Variants in SNX31 observed in about 807,000 individuals in gnomAD.
SNX31 encodes the protein sorting nexin 31, also known as sorting nexin-31.
Under a neutral mutation model 65.4 loss-of-function variants are expected in SNX31, and 58 were observed. That is an observed-to-expected ratio of 0.89 (90% CI 0.72 to 1.10). The LOEUF (loss-of-function observed/expected upper bound fraction) is 1.10. Ranked by LOEUF, SNX31 falls within the 50% of genes least tolerant of loss-of-function variation. The pLI is 0.00. For synonymous variants in SNX31, 181 were observed against 190.1 expected (o/e 0.95, Z 0.39); for missense variants, 523 against 529.7 (o/e 0.99, Z 0.12).
rs978804235 is a variant in SNX31, at chr8:100,626,870, G to C, written c.321+3457C>G. 6.6e-6 allele frequency among the ~76,000 whole-genome samples: 1 copy of C among 152,072 alleles called. No individual in the cohort carries two copies. Among genetic ancestry groups the C allele is most frequent in the African/African-American group, 2.4e-5 (1 of 41,412 alleles). ...TAACAAAAGGATATAAAAGTGAGCT[G>C]GTAAAGTTCACGGAAGAAATGGAAG... On this transcript the variant is annotated intron_variant, in intron 4 of 13. Coordinates refer to ENST00000311812, the MANE Select transcript of SNX31 (RefSeq NM_152628.4). This position sits in a 1 kb window ranked among gnomAD's most constrained non-coding sequence, Gnocchi z 4.4.
chr8:100,615,089 A>C (rs954381144), intron 5 of SNX31, among the ~76,000 whole-genome samples: 9 of 152,210 alleles, frequency 5.9e-5, no homozygotes, highest in African/African-American at 2.2e-4. Context: ...TGACCAAGTG[A>C]CCACTTCACC....
intron 10 of SNX31, among the ~76,000 whole-genome samples, chr8:100,593,944 T>C (rs1814825318): frequency 6.6e-6 from 1 of 152,114 alleles, no homozygotes; most frequent in Non-Finnish European, 1.5e-5. Flanking sequence ...GGAAAACTGA[T>C]TAATTAGATT....
rs1302215850 is a variant in SNX31 at position 100,629,149 on chromosome 8, G to C, written c.321+1178C>G. Among the ~76,000 whole-genome samples the C allele has an allele frequency of 6.6e-6, 1 of 152,106 alleles. No individual in the cohort carries two copies. On this transcript the variant is annotated intron_variant, in intron 4 of 13. Coordinates refer to ENST00000311812, the MANE Select transcript of SNX31 (RefSeq NM_152628.4). The surrounding 1 kb of genome is among the most constrained non-coding windows in gnomAD (Gnocchi z 5.1). ...GTGACACATGATTGTGTGTGTGCAT[G>C]TATGTGTATATATATGTGTGCATGT...
rs780906359 is a variant in SNX31, at chr8:100,626,910, A to C, written c.321+3417T>G. Reference sequence around the variant, plus strand: ...AGAAATGGAAGAGGAAAATAAAGCCATTACAAAAGTGAAAATTGTGTTAGA... The same window carrying C: ...AGAAATGGAAGAGGAAAATAAAGCCCTTACAAAAGTGAAAATTGTGTTAGA... On this transcript the variant is annotated intron_variant, in intron 4 of 13. Coordinates refer to ENST00000311812, the MANE Select transcript of SNX31 (RefSeq NM_152628.4). This position sits in a 1 kb window ranked among gnomAD's most constrained non-coding sequence, Gnocchi z 4.4. 2.0e-5 allele frequency among the ~76,000 whole-genome samples: 3 copies of C among 152,244 alleles called. No individual in the cohort carries two copies. Among genetic ancestry groups the C allele is most frequent in the Non-Finnish European group, 4.4e-5 (3 of 68,050 alleles).
chr8:100,649,632 C>T lies in SNX31; in HGVS notation c.-118G>A, dbSNP rs1204079953. 2.0e-6 allele frequency: 2 copies of T among 984,142 alleles called. No individual in the cohort carries two copies. The highest frequency in any genetic ancestry group is 5.8e-5 in the East Asian group (2 of 34,652). 61.0% of individuals were successfully genotyped at this position (984,142 alleles called of 1,614,324 possible). On this transcript the variant is annotated 5_prime_UTR_variant, in exon 1 of 14. Coordinates refer to ENST00000311812, the MANE Select transcript of SNX31 (RefSeq NM_152628.4). ...GGCCTGCCACGCGACTCAGAGCGAACCCCGGCGCCCGCTCTCGCCGGCCGG... is the reference window on the plus strand; with the variant it reads ...GGCCTGCCACGCGACTCAGAGCGAATCCCGGCGCCCGCTCTCGCCGGCCGG...
intron 3 of SNX31, among the ~76,000 whole-genome samples, chr8:100,631,095 C>A (rs62513879): frequency 1.3e-5 from 2 of 151,894 alleles, no homozygotes; most frequent in African/African-American, 2.4e-5. Flanking sequence ...GCCGAGAGCA[C>A]CCCTTTGAAT....
chr8:100,652,802 G>A (rs762178522), upstream of SNX31, among the ~76,000 whole-genome samples: 42 of 152,052 alleles, frequency 2.8e-4, no homozygotes, highest in Non-Finnish European at 4.6e-4. Context: ...TAGGGTCCAC[G>A]AGGGAGCCAG....
chr8:100,592,929 C>T (rs114057471), intron 10 of SNX31, among the ~76,000 whole-genome samples: 9,336 of 152,248 alleles, frequency 0.061, 849 homozygotes, highest in African/African-American at 0.19. Context: ...CGGTTACCTC[C>T]TCATGCCGGA....
intron 12 of SNX31, among the ~76,000 whole-genome samples, chr8:100,580,394 C>T (rs1384419337): frequency 1.3e-5 from 2 of 152,076 alleles, no homozygotes; most frequent in African/African-American, 2.4e-5. Flanking sequence ...ATTATCCATT[C>T]CACCCTTCTT....
chr8:100,603,067 T>A (rs907511416), intron 8 of SNX31, among the ~76,000 whole-genome samples: 2 of 152,208 alleles, frequency 1.3e-5, no homozygotes, highest in Non-Finnish European at 2.9e-5. Flanking sequence ...GTCTGGACAC[T>A]ACATCAAGCC....
upstream of SNX31, among the ~76,000 whole-genome samples, chr8:100,654,084 C>T (rs139543112): frequency 0.039 from 5,949 of 152,258 alleles, 180 homozygotes; most frequent in Non-Finnish European, 0.056. Context: ...TGGCTCACTG[C>T]AGCCTTGACC....
In SNX31 at chr8:100,604,441, G is replaced by A. The variant is rs953620950; in HGVS notation, c.682-4000C>T. Among the ~76,000 whole-genome samples, 3 of 152,196 alleles carry A rather than the reference G, an allele frequency of 2.0e-5. No homozygotes were observed. The highest frequency in any genetic ancestry group is 1.3e-4 in the Admixed American group (2 of 15,290). On this transcript the variant is annotated intron_variant, in intron 8 of 13. Coordinates refer to ENST00000311812, the MANE Select transcript of SNX31 (RefSeq NM_152628.4). The surrounding 1 kb of genome is among the most constrained non-coding windows in gnomAD (Gnocchi z 4.3). ...GGCCACTCGGCTCTGGCGAAAGCAT[G>A]GTGGAGAAGGGCAAGGGACGTGTGT...
chr8:100,658,499 T>G (rs1422204775), intron 1 of SNX31, among the ~76,000 whole-genome samples: 2 of 152,254 alleles, frequency 1.3e-5, no homozygotes, highest in African/African-American at 4.8e-5. Context: ...AGTTTACATG[T>G]AGTGGGTACT....
At chr8:100,603,734 C>T (rs1303413806) in intron 8 of SNX31, among the ~76,000 whole-genome samples, 2 of 149,444 alleles carry the variant, frequency 1.3e-5, no homozygotes, top group African/African-American at 5.0e-5. Context: ...GCATGAACCA[C>T]CACACCCGGC....
At chr8:100,631,437 C>CTTTTT (rs10652417) in intron 3 of SNX31, among the ~76,000 whole-genome samples, 1 of 129,638 alleles carries the variant, frequency 7.7e-6, no homozygotes, top group African/African-American at 3.1e-5. Flanking sequence ...TGCTGTTTTA[C>CTTTTT]TTTTTTTTTT....
intron 8 of SNX31, among the ~76,000 whole-genome samples, chr8:100,606,649 T>G (rs1005215953): frequency 1.3e-5 from 2 of 152,194 alleles, no homozygotes; most frequent in Non-Finnish European, 2.9e-5. Flanking sequence ...AAGTAATAAC[T>G]TATCCACCAT....
intron 4 of SNX31, among the ~76,000 whole-genome samples, chr8:100,621,856 T>G (rs962820981): frequency 2.0e-5 from 3 of 152,218 alleles, no homozygotes; most frequent in African/African-American, 7.2e-5. Context: ...CAGGTTTCGA[T>G]GCTCAGTGCA....
At chr8:100,602,854 T>A (rs1815770449) in intron 8 of SNX31, among the ~76,000 whole-genome samples, 1 of 152,206 alleles carries the variant, frequency 6.6e-6, no homozygotes, top group Non-Finnish European at 1.5e-5. Flanking sequence ...ATTTCTGAAA[T>A]TTTTTCACTT....
intron 1 of SNX31, chr8:100,657,710 G>A (rs1167564401): frequency 1.5e-5 from 7 of 455,862 alleles, no homozygotes; most frequent in South Asian, 1.1e-4. Context: ...GGTCACGGGA[G>A]ATGGTGCAGT....
Sources: allele counts gnomAD v4.1 joint callset (sites outside exome capture counted in the v4.1 genomes callset), GRCh38; gene constraint gnomAD v4.1.1; non-coding constraint Gnocchi (gnomAD v3.1); transcripts MANE v1.5; gene names NCBI Gene and HGNC (gene_info 2026-07-23, HGNC 2026-07-21).